FANCD2OS: variants seen among roughly 807,000 people sequenced by gnomAD.
The protein encoded by FANCD2OS is FANCD2 opposite strand protein.
In FANCD2OS, 11 loss-of-function variants were observed where a neutral mutation model predicts 13.2. The ratio of observed to expected loss-of-function variants is 0.83; its 90% CI spans 0.52 to 1.38. The LOEUF (loss-of-function observed/expected upper bound fraction) is 1.38. Ranked by LOEUF, FANCD2OS falls within the 40% of genes most tolerant of loss-of-function variation. FANCD2OS has a pLI of 0.00. For synonymous variants in FANCD2OS, 69 were observed against 84.5 expected (o/e 0.82, Z 1.01); for missense variants, 217 against 213.9 (o/e 1.01, Z -0.09).
Position 10,104,704 on chromosome 3 carries a change from G to A in FANCD2OS, c.71C>T (p.Thr24Ile), listed in dbSNP as rs768806307. ...DESFQWLRHT[T>I]PTPSSKHPFK... ...TGGGTGCTTGGAGGAAGGTGTAGGT[G>A]TCGTGTGCCGCAGCCATTGGAAACT... Residue 24 changes from threonine (T) to isoleucine (I), a missense_variant, in exon 2 of 2, where the codon ACA becomes ATA. By Grantham distance (89) the Thr-to-Ile change is moderately conservative. Transcript: ENST00000450660. The A allele has an allele frequency of 3.7e-6, 6 of 1,612,238 alleles. No individual in the cohort carries two copies. Among genetic ancestry groups the A allele is most frequent in the East Asian group, 4.5e-5 (2 of 44,730 alleles).
chr3:10,101,868 ACT>A (rs1357820722), downstream of FANCD2OS: 2 of 187,954 alleles, frequency 1.1e-5, no homozygotes, highest in Non-Finnish European at 2.2e-5. Flanking sequence ...TAGTTTTGAA[ACT>A]CTGATTTATT....
intron 2 of FANCD2OS, among the ~76,000 whole-genome samples, chr3:10,089,780 C>G (rs1418155450): frequency 6.6e-6 from 1 of 152,150 alleles, no homozygotes; most frequent in African/African-American, 2.4e-5. Flanking sequence ...GATATTTTAG[C>G]CATCTTGAGA....
intron 1 of FANCD2OS, 60 bp from the exon 2 acceptor site, chr3:10,104,842 C>T (rs1433918958): frequency 7.0e-7 from 1 of 1,426,568 alleles, no homozygotes; most frequent in African/African-American, 1.4e-5. Flanking sequence ...AGAGCATGGC[C>T]TTTCAAATTC....
At chr3:10,103,084 C>T (rs1412867119), downstream of FANCD2OS, 2 of 439,410 alleles carry the variant, frequency 4.6e-6, no homozygotes, top group Admixed American at 5.0e-5. Context: ...TGGTGAAACT[C>T]CATCTCTACT....
At chr3:10,093,817 G>T (rs1307067627) in intron 2 of FANCD2OS, among the ~76,000 whole-genome samples, 2 of 152,188 alleles carry the variant, frequency 1.3e-5, no homozygotes, top group African/African-American at 2.4e-5. Context: ...CCTTCCAAGT[G>T]GATGGTGCCC....
At position 10,094,472 on chromosome 3, in the gene FANCD2OS, G is replaced by A. The variant is rs7613239; in HGVS notation, c.*43+9726C>T. On this transcript the variant is annotated intron_variant, in intron 2 of 2. Coordinates refer to the FANCD2OS transcript ENST00000524279. Reference sequence around the variant, plus strand: ...GGAGTGTTCTACCTGGGCTCCTCTGGTCCACTTCAGCTGTAGCCAGAGATC... The same window carrying A: ...GGAGTGTTCTACCTGGGCTCCTCTGATCCACTTCAGCTGTAGCCAGAGATC... 8.3e-3 allele frequency: 7,491 copies of A among 905,902 alleles called. 382 individuals are homozygous for A. In the African/African-American group the frequency reaches 0.11, roughly 13 times the overall value. The allele number at this position is 905,902 out of a possible 1,614,324, so 56.1% of individuals were successfully genotyped here.
At chr3:10,092,233 T>A in intron 2 of FANCD2OS, 1 of 1,613,596 alleles carries the variant, frequency 6.2e-7, no homozygotes, top group East Asian at 2.2e-5. Flanking sequence ...GACTTCAGTA[T>A]CCTCATCAAC....
intron 2 of FANCD2OS, chr3:10,094,419 T>G (rs34441486): frequency 2.8e-6 from 4 of 1,439,456 alleles, no homozygotes; most frequent in Non-Finnish European, 3.9e-6. Flanking sequence ...TCAGAAGATA[T>G]GTCCTTGGTG....
intron 2 of FANCD2OS, chr3:10,088,530 A>ATGCTC (rs755673512): frequency 1.2e-6 from 2 of 1,601,700 alleles, no homozygotes; most frequent in South Asian, 2.2e-5. Flanking sequence ...GACCAGCTCC[A>ATGCTC]TGCTCTGCTC....
downstream of FANCD2OS, among the ~76,000 whole-genome samples, chr3:10,098,209 T>A (rs1180404623): frequency 2.0e-5 from 3 of 152,314 alleles, no homozygotes; most frequent in Admixed American, 1.3e-4. Context: ...TGTTTCTGCA[T>A]AAAAATTGAA....
intron 2 of FANCD2OS, among the ~76,000 whole-genome samples, chr3:10,094,011 C>T (rs780593607): frequency 2.6e-5 from 4 of 152,212 alleles, no homozygotes; most frequent in African/African-American, 7.2e-5. Flanking sequence ...GAGCTCCCCT[C>T]TACTCTATGC....
At chr3:10,088,106 T>C (rs1341323170) in intron 2 of FANCD2OS, among the ~76,000 whole-genome samples, 1 of 152,222 alleles carries the variant, frequency 6.6e-6, no homozygotes, top group East Asian at 1.9e-4. Context: ...AGGTGACCAC[T>C]GCTATTGGCC....
chr3:10,098,691 C>T (rs766748480), downstream of FANCD2OS: 5 of 1,613,166 alleles, frequency 3.1e-6, no homozygotes, highest in East Asian at 1.1e-4. Context: ...CATTATAACC[C>T]ACCATTTTCT....
Position 10,094,290 on chromosome 3 carries a change from A to T in FANCD2OS, c.*43+9908T>A, listed in dbSNP as rs780319584. ...TAACAGTGTGTCTCTCTTCTTCAGT[A>T]TGGGCGTCTCTTTGTGGAAGCATTT... On this transcript the variant is annotated intron_variant, in intron 2 of 2. Transcript: ENST00000524279. The T allele has an allele frequency of 1.9e-6, 3 of 1,613,722 alleles. No individual in the cohort carries two copies. In the South Asian group the frequency reaches 3.3e-5, roughly 18 times the overall value.
intron 2 of FANCD2OS, chr3:10,088,324 C>A: frequency 1.3e-6 from 1 of 745,940 alleles, no homozygotes; most frequent in Non-Finnish European, 2.4e-6. Flanking sequence ...GCCTGTTAGA[C>A]CGGGAACGTC....
intron 2 of FANCD2OS, chr3:10,081,571 T>C (rs1575825009): frequency 3.6e-6 from 3 of 842,176 alleles, no homozygotes; most frequent in Admixed American, 1.7e-5. Flanking sequence ...AAAAATCTTA[T>C]GTGAATATGG....
downstream of FANCD2OS, among the ~76,000 whole-genome samples, chr3:10,100,562 G>C (rs1190441794): frequency 1.3e-5 from 2 of 152,156 alleles, no homozygotes; most frequent in African/African-American, 4.8e-5. Context: ...AGTAGAGACA[G>C]GGTTTCACCA....
chr3:10,094,513 A>C, intron 2 of FANCD2OS: 1 of 762,740 alleles, frequency 1.3e-6, no homozygotes, highest in Non-Finnish European at 2.4e-6. Flanking sequence ...ATTGGACTGA[A>C]TATTCCAAAG....
At chr3:10,085,970 G>T in intron 2 of FANCD2OS, 1 of 1,323,634 alleles carries the variant, frequency 7.6e-7, no homozygotes, top group Non-Finnish European at 1.1e-6. Context: ...GAAACTCCTA[G>T]GAACAGGATT....
Sources: gnomAD v4.1 joint callset for allele counts (sites outside exome capture counted in the v4.1 genomes callset) on GRCh38, gnomAD v4.1.1 for gene constraint, MANE v1.5 for transcripts, NCBI Gene and HGNC (gene_info 2026-07-23, HGNC 2026-07-21) for gene names.